Variants in PEX7 observed in about 807,000 individuals in gnomAD.
The protein encoded by PEX7 is PTS2 receptor.
PEX7 carries 34 observed loss-of-function variants against 47.5 expected under a neutral mutation model. The ratio of observed to expected loss-of-function variants is 0.72; its 90% CI spans 0.54 to 0.95. The LOEUF (loss-of-function observed/expected upper bound fraction) is 0.95. PEX7 is among the 40% of genes least tolerant of loss of function. The pLI is 0.00. For missense variants in PEX7, 394 were observed against 400.3 expected, an observed-to-expected ratio of 0.98 and a Z score of 0.13; for synonymous variants, 141 against 148.8, an observed-to-expected ratio of 0.95 and a Z score of 0.38.
At chr6:136,894,427 T>TA (rs779445370) in intron 8 of PEX7, among the ~76,000 whole-genome samples, 36 of 152,234 alleles carry the variant, frequency 2.4e-4, no homozygotes, top group Non-Finnish European at 5.1e-4. Context: ...CCATCTCTAC[T>TA]AAAAATACAA....
In PEX7 at chr6:136,866,535, G is replaced by A. The variant is rs941289005; in HGVS notation, c.527-92G>A. The A allele has an allele frequency of 8.8e-6, 9 of 1,022,654 alleles. No individual in the cohort carries two copies. In the African/African-American group the frequency reaches 1.3e-4, roughly 14 times the overall value. The allele number at this position is 1,022,654 out of a possible 1,614,324, so 63.3% of individuals were successfully genotyped here. A position where few individuals can be genotyped will look rare whatever the true frequency, so the allele number is the denominator to read the frequency against. On this transcript the variant is annotated intron_variant, in intron 5 of 9. Coordinates refer to ENST00000318471, the MANE Select transcript of PEX7 (RefSeq NM_000288.4). ...GCAATATCCTAACACTGAAAGCAGT[G>A]TATTTTTACTTGACTTATTATTGTG...
At chr6:136,909,166 A>C (rs1775894083) in intron 9 of PEX7, among the ~76,000 whole-genome samples, 1 of 152,178 alleles carries the variant, frequency 6.6e-6, no homozygotes, top group Admixed American at 6.5e-5. Context: ...GTTCTTAATA[A>C]GTCTTTGTTG....
At chr6:136,876,993 A>G (rs1775286639) in intron 8 of PEX7, among the ~76,000 whole-genome samples, 1 of 152,152 alleles carries the variant, frequency 6.6e-6, no homozygotes, top group African/African-American at 2.4e-5. Flanking sequence ...TATCCTCTCT[A>G]GCATCTGTTA....
At chr6:136,849,405 T>A (rs1774694176) in intron 5 of PEX7, among the ~76,000 whole-genome samples, 1 of 152,192 alleles carries the variant, frequency 6.6e-6, no homozygotes, top group Non-Finnish European at 1.5e-5. Flanking sequence ...CTTTTGAATG[T>A]GTTTGCTCTT....
intron 5 of PEX7, among the ~76,000 whole-genome samples, chr6:136,863,231 T>C (rs1343502411): frequency 1.3e-5 from 2 of 152,164 alleles, no homozygotes; most frequent in African/African-American, 4.8e-5. Context: ...GGGACTGACA[T>C]TATTTTTCAG....
At chr6:136,881,568 G>A (rs1775377026) in intron 8 of PEX7, among the ~76,000 whole-genome samples, 1 of 152,098 alleles carries the variant, frequency 6.6e-6, no homozygotes, top group Non-Finnish European at 1.5e-5. Flanking sequence ...AAAATCTAAT[G>A]ACTACTGAGA....
intron 5 of PEX7, among the ~76,000 whole-genome samples, chr6:136,861,854 C>G (rs1018252557): frequency 1.4e-5 from 2 of 147,998 alleles, no homozygotes; most frequent in South Asian, 4.2e-4. Context: ...CTAGTGGCTC[C>G]TGAATTTATA....
At chr6:136,846,309 C>T (rs1774600011) in intron 5 of PEX7, 128 bp downstream of exon 5, 1 of 465,770 alleles carries the variant, frequency 2.1e-6, no homozygotes, top group East Asian at 3.4e-5. Flanking sequence ...CTTTTGTGTT[C>T]TTAAGACTTT....
chr6:136,853,594 A>G (rs1392187003), intron 5 of PEX7, among the ~76,000 whole-genome samples: 1 of 152,224 alleles, frequency 6.6e-6, no homozygotes, highest in African/African-American at 2.4e-5. Flanking sequence ...AAAGTAAAAA[A>G]TGACCAAACC....
intron 8 of PEX7, among the ~76,000 whole-genome samples, chr6:136,895,567 C>T (rs534458424): frequency 1.2e-4 from 18 of 152,250 alleles, no homozygotes; most frequent in African/African-American, 4.3e-4. Context: ...TTGGTTTTTA[C>T]TATAGTGTTC....
chr6:136,824,949 T>G lies in PEX7; in HGVS notation c.131-265T>G, dbSNP rs899751740. ...CCCCCTGTTAGGTCCATGTCTGAAT[T>G]CCAATCATAGGTGCAATGGGAAGTT... On this transcript the variant is annotated intron_variant, in intron 1 of 9. Transcript: ENST00000318471. Among the ~76,000 whole-genome samples, 7 of 152,292 alleles carry G rather than the reference T, an allele frequency of 4.6e-5. No homozygotes were observed. In the East Asian group the frequency reaches 1.4e-3, roughly 29 times the overall value.
intron 9 of PEX7, among the ~76,000 whole-genome samples, chr6:136,907,594 A>G (rs1399276465): frequency 6.6e-6 from 1 of 152,162 alleles, no homozygotes; most frequent in African/African-American, 2.4e-5. Flanking sequence ...CAAGTTTCCC[A>G]AGGGCAAAAG....
At chr6:136,862,301 C>T (rs1018371533) in intron 5 of PEX7, among the ~76,000 whole-genome samples, 4 of 150,726 alleles carry the variant, frequency 2.7e-5, no homozygotes, top group Non-Finnish European at 5.9e-5. Flanking sequence ...TGGTCTCAAA[C>T]GCCTGGCCTC....
At chr6:136,881,329 T>C (rs1481197006) in intron 8 of PEX7, among the ~76,000 whole-genome samples, 1 of 152,138 alleles carries the variant, frequency 6.6e-6, no homozygotes, top group Non-Finnish European at 1.5e-5. Flanking sequence ...GGTTAAGCAG[T>C]ATGAAGAGAG....
Position 136,840,409 on chromosome 6 carries a change from G to A in PEX7, c.340-5206G>A, listed in dbSNP as rs144469741. Among the ~76,000 whole-genome samples the A allele has an allele frequency of 3.1e-3, 472 of 151,768 alleles. 7 individuals are homozygous for A. In the South Asian group the frequency reaches 0.034, roughly 11 times the overall value. On this transcript the variant is annotated intron_variant, in intron 3 of 9. Coordinates refer to ENST00000318471, the MANE Select transcript of PEX7 (RefSeq NM_000288.4). ...CTTTCTATTTTTACTACATATGTAT[G>A]CATCCCTAAGTCATGCATAGTTTTG...
chr6:136,827,742 G>A (rs1248949164), intron 3 of PEX7, among the ~76,000 whole-genome samples: 3 of 151,998 alleles, frequency 2.0e-5, no homozygotes, highest in African/African-American at 7.2e-5. Flanking sequence ...ATGTTGGCTA[G>A]GCTGGTCTTG....
chr6:136,839,652 C>A (rs975257526), intron 3 of PEX7, among the ~76,000 whole-genome samples: 4 of 152,184 alleles, frequency 2.6e-5, no homozygotes, highest in Admixed American at 6.5e-5. Flanking sequence ...GCCATGCCCA[C>A]TATTTGAGTG....
At chr6:136,845,501 T>C (rs1462086669) in intron 3 of PEX7, 114 bp from the exon 4 acceptor site, 7 of 734,664 alleles carry the variant, frequency 9.5e-6, no homozygotes, top group Admixed American at 3.9e-5. Flanking sequence ...AATTATTTGA[T>C]GTTTTGACAT....
intron 3 of PEX7, among the ~76,000 whole-genome samples, chr6:136,834,963 G>A (rs929023922): frequency 6.6e-6 from 1 of 151,912 alleles, no homozygotes; most frequent in African/African-American, 2.4e-5. Context: ...TTTTGAGATG[G>A]AGGTTCACTC....
Sources: gnomAD v4.1 joint callset for allele counts (sites outside exome capture counted in the v4.1 genomes callset) on GRCh38, gnomAD v4.1.1 for gene constraint, MANE v1.5 for transcripts, NCBI Gene and HGNC (gene_info 2026-07-23, HGNC 2026-07-21) for gene names.